The following SOX5 variants were observed in gnomAD, a reference collection of about 807,000 sequenced individuals.
SOX5 encodes the protein SRY-box transcription factor 5.
SOX5 carries 9 observed loss-of-function variants against 92.0 expected under a neutral mutation model. That is an observed-to-expected ratio of 0.10 (90% confidence interval 0.06 to 0.17). The LOEUF is 0.17. Ranked by LOEUF, SOX5 falls within the 10% of genes least tolerant of loss-of-function variation. The probability of loss-of-function intolerance (pLI) is 1.00; values close to 1 mark genes in which losing one functional copy is unlikely to be tolerated. For missense variants in SOX5, 642 were observed against 944.5 expected (o/e 0.68, Z 4.20); for synonymous variants, 344 against 336.3 (o/e 1.02, Z -0.25).
intron 4 of SOX5, among the ~76,000 whole-genome samples, chr12:24,020,531 T>A (rs1342824432): frequency 6.6e-6 from 1 of 152,158 alleles, no homozygotes; most frequent in Non-Finnish European, 1.5e-5. Flanking sequence ...CAATCAGGGC[T>A]AAGGTCTGCT....
chr12:24,098,281 G>A (rs1945666657), intron 4 of SOX5, among the ~76,000 whole-genome samples: 1 of 152,116 alleles, frequency 6.6e-6, no homozygotes, highest in Non-Finnish European at 1.5e-5. Context: ...CTTCCAGCAT[G>A]AATCCTCTAT....
At chr12:23,796,786 T>A (rs1319546395) in intron 3 of SOX5, among the ~76,000 whole-genome samples, 1 of 151,204 alleles carries the variant, frequency 6.6e-6, no homozygotes, top group Admixed American at 6.6e-5. Flanking sequence ...ATTTACTCAT[T>A]CTTATATAGT....
At chr12:24,261,583 GA>G (rs986373930) in intron 3 of SOX5, among the ~76,000 whole-genome samples, 2 of 150,962 alleles carry the variant, frequency 1.3e-5, no homozygotes, top group Non-Finnish European at 1.5e-5. Context: ...TCCCCTATAG[GA>G]AAAAAAAATC....
At chr12:24,284,789 C>T (rs909565596) in intron 2 of SOX5, among the ~76,000 whole-genome samples, 1 of 152,170 alleles carries the variant, frequency 6.6e-6, no homozygotes, top group African/African-American at 2.4e-5. Context: ...ACAATTTTTA[C>T]TGTCAATGTG....
At chr12:24,055,531 G>T (rs1200998327) in intron 4 of SOX5, among the ~76,000 whole-genome samples, 1 of 152,146 alleles carries the variant, frequency 6.6e-6, no homozygotes, top group African/African-American at 2.4e-5. Context: ...TTTCTGCATC[G>T]TGTTTTCCCC....
intron 1 of SOX5, among the ~76,000 whole-genome samples, chr12:24,370,637 C>T (rs1012162931): frequency 9.2e-5 from 14 of 151,664 alleles, no homozygotes; most frequent in African/African-American, 3.1e-4. Flanking sequence ...ACTAAAAATA[C>T]GAAAATTAGC....
At chr12:23,888,860 T>C (rs775459226) in intron 2 of SOX5, among the ~76,000 whole-genome samples, 2 of 152,222 alleles carry the variant, frequency 1.3e-5, no homozygotes, top group Non-Finnish European at 2.9e-5. Context: ...AAACAAATAC[T>C]CGCTTGTCAG....
intron 8 of SOX5, among the ~76,000 whole-genome samples, chr12:23,619,315 T>A (rs546260313): frequency 6.6e-6 from 1 of 152,254 alleles, no homozygotes; most frequent in East Asian, 1.9e-4. Context: ...TATAGAATGC[T>A]TACTGTGAGA....
chr12:24,298,088 TC>T (rs1181577802), intron 2 of SOX5, among the ~76,000 whole-genome samples: 10 of 152,170 alleles, frequency 6.6e-5, no homozygotes, highest in Admixed American at 6.5e-4. Flanking sequence ...TTGTTTTATT[TC>T]TGAGACAGGG....
Position 24,162,994 on chromosome 12 carries a change from T to C in SOX5, c.-2+50349A>G, listed in dbSNP as rs146225352. Among the ~76,000 whole-genome samples the C allele has an allele frequency of 1.6e-3, 240 of 152,176 alleles. 2 individuals are homozygous for C. The highest frequency in any genetic ancestry group is 5.5e-3 in the African/African-American group (229 of 41,536). On this transcript the variant is annotated intron_variant, in intron 4 of 4. Transcript: ENST00000446891. Reference sequence around the variant, plus strand: ...TGTAGGTAAATGAGCTCTGCAAATATTAACCGGTGTCAGGCATGCTGTGAG... The same window carrying C: ...TGTAGGTAAATGAGCTCTGCAAATACTAACCGGTGTCAGGCATGCTGTGAG...
chr12:23,575,651 CAG>C lies in SOX5; in HGVS notation c.1342+8_1342+9del. On this transcript the variant is annotated splice_region_variant and intron_variant, in intron 10 of 14. Coordinates refer to ENST00000451604, the MANE Select transcript of SOX5 (RefSeq NM_006940.6). ...AGAAAATCAGCAAGAACAAAAGAAA[CAG>C]AACTTACCTATTGTGCTAACTCTGG... 1 of 1,613,290 alleles carries C rather than the reference CAG, an allele frequency of 6.2e-7. No homozygotes were observed. Among genetic ancestry groups the C allele is most frequent in the African/African-American group, 1.3e-5 (1 of 75,010 alleles).
At chr12:24,121,273 A>G (rs1948583183) in intron 4 of SOX5, among the ~76,000 whole-genome samples, 1 of 152,204 alleles carries the variant, frequency 6.6e-6, no homozygotes, top group African/African-American at 2.4e-5. Flanking sequence ...AAGTTCATGG[A>G]AAATGTGCAT....
chr12:23,580,444 C>G (rs1459558018), intron 9 of SOX5, among the ~76,000 whole-genome samples: 1 of 151,912 alleles, frequency 6.6e-6, no homozygotes, highest in Non-Finnish European at 1.5e-5. Context: ...ATTCACTTAT[C>G]TTGGTGACTT....
intron 3 of SOX5, among the ~76,000 whole-genome samples, chr12:23,841,972 CA>C (rs34858971): frequency 0.73 from 110,265 of 151,862 alleles, 40,331 homozygotes; most frequent in East Asian, 0.88. Context: ...TTAACATAAG[CA>C]AAATTTTAAA....
chr12:23,934,855 T>C (rs1942214896), intron 1 of SOX5, among the ~76,000 whole-genome samples: 2 of 151,306 alleles, frequency 1.3e-5, no homozygotes, highest in Non-Finnish European at 3.0e-5. Context: ...ATGCAGAGTT[T>C]ATGTAAATCG....
At chr12:24,348,049 C>CAAAAAAAAA (rs1182462748) in intron 2 of SOX5, among the ~76,000 whole-genome samples, 51 of 72,700 alleles carry the variant, frequency 7.0e-4, no homozygotes, top group Non-Finnish European at 8.1e-4. Flanking sequence ...TACAGCTAAT[C>CAAAAAAAAA]AAAAAAAAAA....
intron 4 of SOX5, among the ~76,000 whole-genome samples, chr12:23,962,619 TA>T (rs1196788027): frequency 6.6e-6 from 1 of 152,202 alleles, no homozygotes; most frequent in Non-Finnish European, 1.5e-5. Context: ...ATAATGGCAA[TA>T]ATCCTGTCAA....
At chr12:23,980,970 T>C (rs1383721870) in intron 4 of SOX5, among the ~76,000 whole-genome samples, 1 of 152,206 alleles carries the variant, frequency 6.6e-6, no homozygotes, top group Non-Finnish European at 1.5e-5. Flanking sequence ...TCCTCACATC[T>C]TCTTGTGTAG....
chr12:24,174,005 GT>G (rs71059987), intron 4 of SOX5, among the ~76,000 whole-genome samples: 2 of 148,076 alleles, frequency 1.4e-5, no homozygotes, highest in African/African-American at 2.5e-5. Context: ...TTGTTTTTTT[GT>G]TTTTTTTTTC....
Sources: allele counts gnomAD v4.1 joint callset (sites outside exome capture counted in the v4.1 genomes callset), GRCh38; gene constraint gnomAD v4.1.1; transcripts MANE v1.5; gene names NCBI Gene and HGNC (gene_info 2026-07-23, HGNC 2026-07-21).